ITGAL: variants seen among roughly 807,000 people sequenced by gnomAD.
The protein encoded by ITGAL is integrin alpha-L.
In ITGAL, 68 loss-of-function variants were observed where a neutral mutation model predicts 138.4. The observed-to-expected ratio is 0.49, with a 90% CI of 0.40 to 0.60. The LOEUF is 0.60. Among genes scored for constraint, ITGAL ranks in the 20% least tolerant of loss-of-function variants. The pLI, the probability that ITGAL is intolerant of heterozygous loss-of-function variation, is 0.00. For missense variants in ITGAL, 1,256 were observed against 1,478.6 expected, an observed-to-expected ratio of 0.85 and a Z score of 2.47; for synonymous variants, 561 against 584.3, an observed-to-expected ratio of 0.96 and a Z score of 0.57.
chr16:30,496,136 G>A lies in ITGAL; in HGVS notation c.1543G>A (p.Gly515Ser), dbSNP rs770727204. ...AGTCTCAGAGCTGCAGGGGGACCCCGGCTACCCACTCGGGCGGTTTGGAGA... is the reference window on the plus strand; with the variant it reads ...AGTCTCAGAGCTGCAGGGGGACCCCAGCTACCCACTCGGGCGGTTTGGAGA... ...EEVSELQGDP[G>S]YPLGRFGEAI... The change falls in exon 14 of 31, where the codon GGC becomes AGC. Residue 515 changes from glycine (G) to serine (S), a missense_variant. Transcript: ENST00000356798. The A allele has an allele frequency of 2.0e-5, 33 of 1,613,904 alleles. No individual in the cohort carries two copies. The Middle Eastern group carries it at 6.7e-4, about 33-fold the overall frequency.
In ITGAL at chr16:30,489,268, G is replaced by T; in HGVS notation, c.1095G>T (p.Val365=). Residue 365 remains valine, a synonymous_variant, in exon 11 of 31, where the codon GTG becomes GTT. Transcript: ENST00000356798. ...TCCCTGGGCAGGGCCATGCAGTCGTGGGGGCAGTAGGAGCCAAGGACTGGG... is the reference window on the plus strand; with the variant it reads ...TCCCTGGGCAGGGCCATGCAGTCGTTGGGGCAGTAGGAGCCAAGGACTGGG... ...SADLSRGHAV[V]GAVGAKDWAG... is the part of the protein sequence containing the mutation. The T allele has an allele frequency of 6.2e-7, 1 of 1,613,910 alleles. No homozygotes were observed. The highest frequency in any genetic ancestry group is 8.5e-7 in the Non-Finnish European group (1 of 1,179,796).
Position 30,494,614 on chromosome 16 carries a change from T to G in ITGAL, c.1366-99T>G. On this transcript the variant is annotated intron_variant, in intron 12 of 30. Transcript: ENST00000356798. This position sits in a 1 kb window ranked among gnomAD's most constrained non-coding sequence, Gnocchi z 4.2. ...GGTGGATCCAAGATTGGAACCTGCA[T>G]TTGAGGGAGTGGCACAAGATGAACA... 2 of 1,401,848 alleles carry G rather than the reference T, an allele frequency of 1.4e-6. No homozygotes were observed. Among genetic ancestry groups the G allele is most frequent in the South Asian group, 1.5e-5 (1 of 68,100 alleles). 86.8% of individuals were successfully genotyped at this position (1,401,848 alleles called of 1,614,324 possible). A position where few individuals can be genotyped will look rare whatever the true frequency, so the allele number is the denominator to read the frequency against.
rs34854709 is a variant in ITGAL, at chr16:30,500,057, ATTATTTATTTATTTAT to A, written c.2145+599_2145+614del. On this transcript the variant is annotated intron_variant, in intron 17 of 30. Coordinates refer to ENST00000356798, the MANE Select transcript of ITGAL (RefSeq NM_002209.3). ...AGCCATCGCTCCTGGCCTATTTTAT[ATTATTTATTTATTTAT>A]TTATTTATTTATTTATTTATTTATT... 1.5e-3 allele frequency among the ~76,000 whole-genome samples: 183 copies of A among 125,504 alleles called. 2 individuals carry two copies. Among genetic ancestry groups the A allele is most frequent in the African/African-American group, 4.2e-3 (138 of 32,770 alleles). 82.3% of individuals were successfully genotyped at this position (125,504 alleles called of 152,430 possible).
chr16:30,497,228 A>T (rs2050814610), intron 15 of ITGAL, among the ~76,000 whole-genome samples: 1 of 151,772 alleles, frequency 6.6e-6, no homozygotes, highest in African/African-American at 2.4e-5. Context: ...CTGTAGTCGC[A>T]GCTACTCGGG....
rs2050721990 is a variant in ITGAL at position 30,491,368 on chromosome 16, T to G, written c.1213+1982T>G. ...GTGAGCCGAGATCGTACCACTGCAG[T>G]CCAGCCTGGGTGACAGAGCAAAACT... On this transcript the variant is annotated intron_variant, in intron 11 of 30. Coordinates refer to ENST00000356798, the MANE Select transcript of ITGAL (RefSeq NM_002209.3). 2.0e-5 allele frequency among the ~76,000 whole-genome samples: 3 copies of G among 151,796 alleles called. No individual in the cohort carries two copies. In the South Asian group the frequency reaches 6.3e-4, roughly 32 times the overall value.
intron 21 of ITGAL, among the ~76,000 whole-genome samples, chr16:30,508,224 T>C (rs2051035150): frequency 6.9e-6 from 1 of 145,538 alleles, no homozygotes; most frequent in African/African-American, 2.5e-5. Flanking sequence ...TTTTTTTTTT[T>C]TTTTTTGAGA....
intron 15 of ITGAL, 170 bp from the exon 16 acceptor site, chr16:30,498,904 A>G (rs959273121): frequency 1.9e-5 from 12 of 618,904 alleles, no homozygotes; most frequent in Non-Finnish European, 3.1e-5. Flanking sequence ...CTCTCTCAAA[A>G]TAAATAAATA....
At chr16:30,492,644 C>T (rs1394937507) in intron 11 of ITGAL, among the ~76,000 whole-genome samples, 1 of 150,158 alleles carries the variant, frequency 6.7e-6, no homozygotes, top group Non-Finnish European at 1.5e-5. Flanking sequence ...GCAAGCTCCG[C>T]CTCCTGGGTT....
At chr16:30,473,947 A>G (rs1195074933) in intron 1 of ITGAL, 1 of 643,084 alleles carries the variant, frequency 1.6e-6, no homozygotes, top group East Asian at 3.1e-5. Context: ...CTAACTTCTC[A>G]TCCTTCCTTT....
At chr16:30,501,531 C>G (rs991397037) in intron 17 of ITGAL, among the ~76,000 whole-genome samples, 4 of 147,372 alleles carry the variant, frequency 2.7e-5, no homozygotes, top group Admixed American at 1.4e-4. Context: ...GAGCCGAGAT[C>G]GTGCCATTGC....
At chr16:30,478,221 C>T (rs906875332) in intron 4 of ITGAL, among the ~76,000 whole-genome samples, 1 of 151,272 alleles carries the variant, frequency 6.6e-6, no homozygotes, top group African/African-American at 2.4e-5. Flanking sequence ...GTAGTCCCAG[C>T]TACTGAGGAG....
Position 30,522,062 on chromosome 16 carries a change from C to A in ITGAL, c.*397C>A, listed in dbSNP as rs1169678013. ...CCCCCAGAACCTGTCCTTGCACACTCCCCTGCACTGGAGTCCAGTCTCTTC... is the reference window on the plus strand; with the variant it reads ...CCCCCAGAACCTGTCCTTGCACACTACCCTGCACTGGAGTCCAGTCTCTTC... On this transcript the variant is annotated 3_prime_UTR_variant, in exon 31 of 31. Coordinates refer to ENST00000356798, the MANE Select transcript of ITGAL (RefSeq NM_002209.3). The surrounding 1 kb of genome is among the most constrained non-coding windows in gnomAD (Gnocchi z 4.0). The A allele has an allele frequency of 5.6e-6, 1 of 179,744 alleles. No homozygotes were observed. Among genetic ancestry groups the A allele is most frequent in the Admixed American group, 5.7e-5 (1 of 17,598 alleles). The allele number at this position is 179,744 out of a possible 1,614,324, so 11.1% of individuals were successfully genotyped here. A position where few individuals can be genotyped will look rare whatever the true frequency, so the allele number is the denominator to read the frequency against.
chr16:30,520,062 G>A (rs2051230444), intron 30 of ITGAL, 95 bp downstream of exon 30: 3 of 909,788 alleles, frequency 3.3e-6, no homozygotes, highest in Non-Finnish European at 3.5e-6. Context: ...AAGCCAGAGG[G>A]CATAAGAGCC....
intron 9 of ITGAL, among the ~76,000 whole-genome samples, chr16:30,487,816 C>T (rs780464517): frequency 1.1e-4 from 17 of 151,972 alleles, no homozygotes; most frequent in Non-Finnish European, 2.4e-4. Flanking sequence ...CTCCCAGCCT[C>T]GAGCAATTCT....
rs1222791987 is a variant in ITGAL, at chr16:30,517,024, G to A, written c.2914G>A (p.Val972Met). The A allele has an allele frequency of 6.2e-7, 1 of 1,613,922 alleles. No individual in the cohort carries two copies. The highest frequency in any genetic ancestry group is 1.7e-5 in the Admixed American group (1 of 60,006). The change falls in exon 26 of 31, where the codon GTG becomes ATG. Residue 972 changes from valine to methionine, a missense_variant. Transcript: ENST00000356798. ...HDHNIPTLEA[V>M]VGVPQPPSEG... is the part of the protein sequence containing the mutation. ...CCACAACATACCCACCCTGGAGGCT[G>A]TGGTTGGGGTGCCACAGCCTCCCAG...
rs745775285 is a variant in ITGAL, at chr16:30,510,902, A to G, written c.2641A>G (p.Asn881Asp). Residue 881 changes from asparagine (N) to aspartate (D), a missense_variant, in exon 23 of 31, where the codon AAT becomes GAT. This residue lies in a region of ITGAL where 867 missense variants were observed against 972.5 expected (regional missense o/e 0.89). Coordinates refer to ENST00000356798, the MANE Select transcript of ITGAL (RefSeq NM_002209.3). ...CCAGGTTGCTCTGCAGATGATGTTT[A>G]ATACACTGGTAAACAGCTCCTGGGG... ...GHSVALQMMF[N>D]TLVNSSWGDS... The G allele has an allele frequency of 3.7e-6, 6 of 1,613,854 alleles. No homozygotes were observed. The African/African-American group carries it at 8.0e-5, about 22-fold the overall frequency.
intron 15 of ITGAL, 101 bp downstream of exon 15, chr16:30,496,667 G>T (rs534150650): frequency 1.8e-6 from 2 of 1,135,434 alleles, no homozygotes; most frequent in African/African-American, 1.6e-5. Context: ...TTAGAGACAG[G>T]GTCTCTCTTT....
intron 6 of ITGAL, among the ~76,000 whole-genome samples, chr16:30,480,262 C>G (rs182146709): frequency 6.6e-6 from 1 of 152,270 alleles, no homozygotes; most frequent in Non-Finnish European, 1.5e-5. Context: ...CTTTTTGCGT[C>G]TTTGCTTCCT....
chr16:30,474,592 G>A lies in ITGAL; in HGVS notation c.164+294G>A, dbSNP rs906320419. The A allele has an allele frequency of 4.3e-5, 16 of 373,304 alleles. No homozygotes were observed. The South Asian group carries it at 4.6e-4, about 11-fold the overall frequency. 23.1% of individuals were successfully genotyped at this position (373,304 alleles called of 1,614,324 possible). A position where few individuals can be genotyped will look rare whatever the true frequency, so the allele number is the denominator to read the frequency against. On this transcript the variant is annotated intron_variant, in intron 2 of 30. Transcript: ENST00000356798. ...GACACTCCCTTACTCCCCTGCGAGC[G>A]CCTGGAAGCCAGGAGTCTGTTCTCT...
Sources: gnomAD v4.1 joint callset for allele counts (sites outside exome capture counted in the v4.1 genomes callset) on GRCh38, gnomAD v4.1.1 for gene constraint, gnomAD v4.1.1 regional missense constraint, Gnocchi (gnomAD v3.1) non-coding constraint, MANE v1.5 for transcripts, NCBI Gene and HGNC (gene_info 2026-07-23, HGNC 2026-07-21) for gene names.